Variants in SEMA6D observed in about 807,000 individuals in gnomAD.
SEMA6D encodes the protein semaphorin 6D.
Under a neutral mutation model 106.6 loss-of-function variants are expected in SEMA6D, and 35 were observed. That is an observed-to-expected ratio of 0.33 (90% CI 0.25 to 0.44). SEMA6D has a LOEUF of 0.44. Ranked by LOEUF, SEMA6D falls within the 20% of genes least tolerant of loss-of-function variation. The pLI is 1.00. For missense variants in SEMA6D, 1,185 were observed against 1,345.9 expected, an observed-to-expected ratio of 0.88 and a Z score of 1.87; for synonymous variants, 499 against 487.7, an observed-to-expected ratio of 1.02 and a Z score of -0.31.
At chr15:47,499,273 G>A (rs1303858224) in intron 3 of SEMA6D, among the ~76,000 whole-genome samples, 1 of 152,114 alleles carries the variant, frequency 6.6e-6, no homozygotes, top group Admixed American at 6.6e-5. Flanking sequence ...TCCGTCCTCA[G>A]AAATAGTCTT....
intron 1 of SEMA6D, among the ~76,000 whole-genome samples, chr15:47,270,305 A>G (rs187431718): frequency 2.5e-4 from 38 of 151,444 alleles, no homozygotes; most frequent in African/African-American, 8.7e-4. Context: ...TATATTTAAT[A>G]TTCATATATT....
upstream of SEMA6D, among the ~76,000 whole-genome samples, chr15:47,713,635 GCAAC>G (rs1408636782): frequency 6.6e-6 from 1 of 152,190 alleles, no homozygotes; most frequent in Admixed American, 6.5e-5. Context: ...AGAAGCTGCA[GCAAC>G]CTTTGAAATT....
intron 1 of SEMA6D, among the ~76,000 whole-genome samples, chr15:47,406,046 T>C (rs980017724): frequency 1.3e-5 from 2 of 152,230 alleles, no homozygotes; most frequent in African/African-American, 2.4e-5. Flanking sequence ...CTTTAGCATA[T>C]CCTTTCTGTT....
At chr15:47,255,795 C>T (rs2033776457) in intron 1 of SEMA6D, among the ~76,000 whole-genome samples, 1 of 152,036 alleles carries the variant, frequency 6.6e-6, no homozygotes, top group African/African-American at 2.4e-5. Context: ...TTATATTGTG[C>T]TTATCTCTAA....
Position 47,764,963 on chromosome 15 carries a change from C to G in SEMA6D, c.1334C>G (p.Ala445Gly). 1.2e-6 allele frequency: 2 copies of G among 1,613,962 alleles called. No individual in the cohort carries two copies. The highest frequency in any genetic ancestry group is 8.5e-7 in the Non-Finnish European group (1 of 1,179,888). ...NYTVIFVGSEAGMVLKVLAKT... is the reference protein window; with the variant it reads ...NYTVIFVGSEGGMVLKVLAKT... ...ACAGTCATCTTTGTTGGCTCTGAAGCTGGCATGGTACTTAAAGTTCTGGCA... is the reference window on the plus strand; with the variant it reads ...ACAGTCATCTTTGTTGGCTCTGAAGGTGGCATGGTACTTAAAGTTCTGGCA... The change falls in exon 13 of 19, where the codon GCT (alanine) becomes GGT (glycine). Residue 445 changes from alanine (A) to glycine (G), a missense_variant. Physicochemically the swap from Ala to Gly is moderately conservative, Grantham distance 60. This residue lies in a region of SEMA6D where 291 missense variants were observed against 423.8 expected (regional missense o/e 0.69). Coordinates refer to ENST00000536845, the MANE Select transcript of SEMA6D (RefSeq NM_001358351.3).
intron 3 of SEMA6D, chr15:47,525,141 G>C (rs1309101805): frequency 3.9e-5 from 6 of 152,150 alleles, no homozygotes; most frequent in Non-Finnish European, 1.5e-5. Context: ...CTCTCTCTCT[G>C]TCCTTCTCCT....
intron 4 of SEMA6D, among the ~76,000 whole-genome samples, chr15:47,621,507 G>A (rs2077099240): frequency 6.6e-6 from 1 of 152,250 alleles, no homozygotes; most frequent in South Asian, 2.1e-4. Context: ...GCTGTGTCTG[G>A]TAGAGCCAGT....
chr15:47,393,388 G>A (rs998217545), intron 1 of SEMA6D: 2 of 152,142 alleles, frequency 1.3e-5, no homozygotes, highest in Admixed American at 6.6e-5. Flanking sequence ...TTCTGTGAAA[G>A]TCTTTGTGGG....
rs145469528 is a variant in SEMA6D, at chr15:47,275,886, G to A, written c.-239+91468G>A. On this transcript the variant is annotated intron_variant, in intron 1 of 19. Coordinates refer to the SEMA6D transcript ENST00000558014. ...CTCTTGTACCAGTTAATCAAGTGTC[G>A]AAAGCAAAGGAAAAATTCTTGAAGA... Among the ~76,000 whole-genome samples the A allele has an allele frequency of 3.9e-4, 60 of 152,194 alleles. No individual in the cohort carries two copies. In the East Asian group the frequency reaches 4.4e-3, roughly 11 times the overall value.
intron 1 of SEMA6D, among the ~76,000 whole-genome samples, chr15:47,394,618 A>G (rs2040149337): frequency 6.6e-6 from 1 of 152,196 alleles, no homozygotes; most frequent in Non-Finnish European, 1.5e-5. Context: ...AAATCCCTCC[A>G]GAGCATTTCA....
intron 1 of SEMA6D, among the ~76,000 whole-genome samples, chr15:47,740,571 G>T (rs2080751067): frequency 6.6e-6 from 1 of 152,202 alleles, no homozygotes; most frequent in Non-Finnish European, 1.5e-5. Context: ...CAGAGATAGA[G>T]ACTTGCCCTC....
At chr15:47,758,220 T>G (rs186049739) in intron 1 of SEMA6D, among the ~76,000 whole-genome samples, 1 of 152,214 alleles carries the variant, frequency 6.6e-6, no homozygotes, top group Non-Finnish European at 1.5e-5. Flanking sequence ...TGACTTGTAC[T>G]TTAGTTAGAC....
rs1294448555 is a variant in SEMA6D at position 47,429,204 on chromosome 15, A to C, written c.-159+16732A>C. Among the ~76,000 whole-genome samples, 4 of 152,112 alleles carry C rather than the reference A, an allele frequency of 2.6e-5. No individual in the cohort carries two copies. In the East Asian group the frequency reaches 5.8e-4, roughly 22 times the overall value. On this transcript the variant is annotated intron_variant, in intron 2 of 19. Coordinates refer to the SEMA6D transcript ENST00000558014. ...ATACCATGCAGAGAGCACCAGAGTTATCATTAGAAGTTATAGGCTGGCCAA... is the reference window on the plus strand; with the variant it reads ...ATACCATGCAGAGAGCACCAGAGTTCTCATTAGAAGTTATAGGCTGGCCAA...
At chr15:47,217,794 G>A (rs2030790974) in intron 1 of SEMA6D, among the ~76,000 whole-genome samples, 1 of 150,502 alleles carries the variant, frequency 6.6e-6, no homozygotes, top group African/African-American at 2.4e-5. Context: ...TTGTGCATAT[G>A]TGTATATGTT....
At chr15:47,307,277 C>A (rs1375330764) in intron 1 of SEMA6D, among the ~76,000 whole-genome samples, 2 of 152,136 alleles carry the variant, frequency 1.3e-5, no homozygotes, top group Non-Finnish European at 2.9e-5. Context: ...TTATTAACTG[C>A]AAATTTATGA....
intron 8 of SEMA6D, 31 bp downstream of exon 8, chr15:47,762,350 C>T (rs561033549): frequency 1.2e-6 from 2 of 1,609,622 alleles, no homozygotes; most frequent in African/African-American, 2.7e-5. Context: ...CGTGGGGTCA[C>T]CAGGATAGTG....
chr15:47,219,276 A>G (rs761388546), intron 1 of SEMA6D, among the ~76,000 whole-genome samples: 15 of 152,232 alleles, frequency 9.9e-5, no homozygotes, highest in Non-Finnish European at 2.1e-4. Flanking sequence ...ACTCTTCTCC[A>G]TAACTGCGAG....
intron 1 of SEMA6D, among the ~76,000 whole-genome samples, chr15:47,724,573 G>C (rs2079619525): frequency 6.6e-6 from 1 of 152,166 alleles, no homozygotes; most frequent in East Asian, 1.9e-4. Flanking sequence ...ACAGTGAGGG[G>C]TGGTGGGGGA....
chr15:47,203,018 A>G (rs756757926), intron 1 of SEMA6D, among the ~76,000 whole-genome samples: 90 of 152,292 alleles, frequency 5.9e-4, no homozygotes, highest in Non-Finnish European at 9.6e-4. Context: ...TTATATAATT[A>G]GATCCTTAAT....
Sources: allele counts gnomAD v4.1 joint callset (sites outside exome capture counted in the v4.1 genomes callset), GRCh38; gene constraint gnomAD v4.1.1; regional missense constraint gnomAD v4.1.1; transcripts MANE v1.5; gene names NCBI Gene and HGNC (gene_info 2026-07-23, HGNC 2026-07-21).